MYLK4: variants seen among roughly 807,000 people sequenced by gnomAD.
The protein encoded by MYLK4 is myosin light chain kinase family member 4.
A neutral mutation model predicts 48.1 loss-of-function variants in MYLK4; 46 were observed. That is an observed-to-expected ratio of 0.96 (90% CI 0.75 to 1.22). The LOEUF is 1.22. Among genes scored for constraint, MYLK4 ranks in the 50% most tolerant of loss-of-function variants. The pLI, the probability that MYLK4 is intolerant of heterozygous loss-of-function variation, is 0.00. For missense variants in MYLK4, 451 were observed against 486.1 expected (o/e 0.93, Z 0.68); for synonymous variants, 170 against 180.8 (o/e 0.94, Z 0.48).
At chr6:2,740,204 A>C (rs1013442322) in intron 2 of MYLK4, among the ~76,000 whole-genome samples, 5 of 152,196 alleles carry the variant, frequency 3.3e-5, no homozygotes, top group Non-Finnish European at 5.9e-5. Flanking sequence ...CATGGCTGAC[A>C]GTGAGACTTT....
chr6:2,741,345 G>A (rs1295191514), intron 2 of MYLK4, among the ~76,000 whole-genome samples: 2 of 152,080 alleles, frequency 1.3e-5, no homozygotes, highest in Admixed American at 6.6e-5. Flanking sequence ...TATTTTTGAC[G>A]ACGTTGTTCT....
the MYLK4 span, among the ~76,000 whole-genome samples, chr6:2,767,054 A>G: frequency 6.6e-6 from 1 of 152,194 alleles, no homozygotes; most frequent in Admixed American, 6.5e-5. Context: ...TCTGCAAGTC[A>G]TTTTCATCCG....
At position 2,667,081 on chromosome 6, in the gene MYLK4, C is replaced by T. The variant is rs915565351; in HGVS notation, c.*844G>A. ...CGTCTCTTTTAGTTGACAAATGGGGCTTGAGGAAACCTGTTGTGACTGTTG... is the reference window on the plus strand; with the variant it reads ...CGTCTCTTTTAGTTGACAAATGGGGTTTGAGGAAACCTGTTGTGACTGTTG... On this transcript the variant is annotated 3_prime_UTR_variant, in exon 13 of 13. Transcript: ENST00000274643. The T allele has an allele frequency of 6.6e-6, 1 of 152,206 alleles. No individual in the cohort carries two copies. Among genetic ancestry groups the T allele is most frequent in the African/African-American group, 2.4e-5 (1 of 41,446 alleles). 9.4% of individuals were successfully genotyped at this position (152,206 alleles called of 1,614,324 possible).
chr6:2,680,665 T>G (rs1279202875), intron 7 of MYLK4: 4 of 757,086 alleles, frequency 5.3e-6, no homozygotes, highest in Non-Finnish European at 4.8e-6. Flanking sequence ...TTCCCCTTCT[T>G]GGAGAAATAT....
chr6:2,763,594 ACTCGCG>A, the MYLK4 span, among the ~76,000 whole-genome samples: 4 of 152,148 alleles, frequency 2.6e-5, no homozygotes, highest in Non-Finnish European at 4.4e-5. Context: ...CCCACCCGGA[ACTCGCG>A]CTGGCCCGCA....
the MYLK4 span, among the ~76,000 whole-genome samples, chr6:2,757,226 G>A: frequency 1.6e-4 from 24 of 151,890 alleles, no homozygotes; most frequent in African/African-American, 5.8e-4. Flanking sequence ...AATAGGTCGC[G>A]AGCTTTTATT....
chr6:2,675,458 T>C (rs1761047223), intron 10 of MYLK4, among the ~76,000 whole-genome samples: 1 of 152,228 alleles, frequency 6.6e-6, no homozygotes. Flanking sequence ...GAAAAATAAA[T>C]ATATATTTAT....
the MYLK4 span, chr6:2,766,040 G>A: frequency 7.7e-7 from 1 of 1,302,312 alleles, no homozygotes; most frequent in Non-Finnish European, 9.7e-7. Flanking sequence ...GAAGGGGTCG[G>A]GGAAGAGGCC....
At position 2,692,767 on chromosome 6, in the gene MYLK4, T is replaced by A; in HGVS notation, c.235+17A>T. Reference sequence around the variant, plus strand: ...ACTTTCTTCATCCATAACTATCTACTTTTCTAAAGATGTTACCTGCGAGGG... The same window carrying A: ...ACTTTCTTCATCCATAACTATCTACATTTCTAAAGATGTTACCTGCGAGGG... On this transcript the variant is annotated intron_variant, in intron 3 of 12. Coordinates refer to ENST00000274643, the MANE Select transcript of MYLK4 (RefSeq NM_001012418.5). The A allele has an allele frequency of 6.2e-7, 1 of 1,611,684 alleles. No individual in the cohort carries two copies. Among genetic ancestry groups the A allele is most frequent in the Non-Finnish European group, 8.5e-7 (1 of 1,178,678 alleles).
intron 3 of MYLK4, 140 bp downstream of exon 3, chr6:2,692,644 G>C (rs761323553): frequency 4.5e-4 from 81 of 179,970 alleles, no homozygotes; most frequent in African/African-American, 4.1e-3. Flanking sequence ...AAAAAAAAAG[G>C]GGGGGGGGGG....
chr6:2,679,360 A>C lies in MYLK4; in HGVS notation c.807T>G (p.Phe269Leu). 6.2e-7 allele frequency: 1 copy of C among 1,614,192 alleles called. No homozygotes were observed. Among genetic ancestry groups the C allele is most frequent in the Non-Finnish European group, 8.5e-7 (1 of 1,180,022 alleles). Residue 269 changes from phenylalanine (F) to leucine (L), a missense_variant, in exon 9 of 13, where the codon TTT becomes TTG. Transcript: ENST00000274643. Reference protein sequence around the residue: ...KLKVNFGTPEFLAPEVVNYDF... With the variant: ...KLKVNFGTPELLAPEVVNYDF... ...CATAGTTCACAACTTCAGGGGCGAG[A>C]AATTCTGGGGTTCCAAAGTTCACCT...
intron 2 of MYLK4, among the ~76,000 whole-genome samples, chr6:2,718,833 T>A (rs755467579): frequency 6.6e-6 from 1 of 152,258 alleles, no homozygotes; most frequent in Non-Finnish European, 1.5e-5. Context: ...TAGCTACTAG[T>A]CATGTAATTT....
the MYLK4 span, among the ~76,000 whole-genome samples, chr6:2,756,899 C>T: frequency 0.023 from 3,573 of 152,244 alleles, 147 homozygotes; most frequent in African/African-American, 0.081. Context: ...TTTATGTTCT[C>T]GGGAATGCTC....
At chr6:2,766,112 G>A in the MYLK4 span, 3 of 1,307,640 alleles carry the variant, frequency 2.3e-6, no homozygotes, top group Non-Finnish European at 2.9e-6. Context: ...GGAGGCGCAG[G>A]AGGAGGAGGA....
At chr6:2,762,737 CAG>C in the MYLK4 span, among the ~76,000 whole-genome samples, 3 of 152,314 alleles carry the variant, frequency 2.0e-5, no homozygotes, top group South Asian at 2.1e-4. Context: ...AAACACAGTG[CAG>C]AGTTTCTTCT....
the MYLK4 span, chr6:2,768,873 A>G: frequency 6.2e-7 from 1 of 1,609,956 alleles, no homozygotes; most frequent in Non-Finnish European, 8.5e-7. Context: ...GGTTCAATAA[A>G]TCTCAGCAGG....
chr6:2,685,784 G>A lies in MYLK4; in HGVS notation c.342-208C>T, dbSNP rs537685711. 1.3e-5 allele frequency among the ~76,000 whole-genome samples: 2 copies of A among 152,016 alleles called. No individual in the cohort carries two copies. Among genetic ancestry groups the A allele is most frequent in the Non-Finnish European group, 2.9e-5 (2 of 68,002 alleles). On this transcript the variant is annotated intron_variant, in intron 4 of 12. Coordinates refer to ENST00000274643, the MANE Select transcript of MYLK4 (RefSeq NM_001012418.5). The surrounding 1 kb of genome is among the most constrained non-coding windows in gnomAD (Gnocchi z 4.5). ...CACCTGGGAGCTGTTAAGAAAGCAG[G>A]TCTCGGCCGGGCACGGTGGCTCACA...
chr6:2,713,719 T>C (rs926073544), intron 2 of MYLK4, among the ~76,000 whole-genome samples: 4 of 152,222 alleles, frequency 2.6e-5, no homozygotes, highest in Admixed American at 1.3e-4. Flanking sequence ...GGGGAGGTCA[T>C]TGAGGACCAG....
rs965277114 is a variant in MYLK4, at chr6:2,725,186, G to A, written c.159+23950C>T. 2.0e-5 allele frequency among the ~76,000 whole-genome samples: 3 copies of A among 152,122 alleles called. No homozygotes were observed. In the East Asian group the frequency reaches 5.8e-4, roughly 29 times the overall value. On this transcript the variant is annotated intron_variant, in intron 2 of 12. Transcript: ENST00000274643. ...AAAAATAGAATATGGGGCTAAGCAT[G>A]GTGGCTCATGCCTATAATCCCAGCA...
Sources: allele counts gnomAD v4.1 joint callset (sites outside exome capture counted in the v4.1 genomes callset), GRCh38; gene constraint gnomAD v4.1.1; non-coding constraint Gnocchi (gnomAD v3.1); transcripts MANE v1.5; gene names NCBI Gene and HGNC (gene_info 2026-07-23, HGNC 2026-07-21).